The following CNTN3 variants were observed in gnomAD, a reference collection of about 807,000 sequenced individuals.
CNTN3 encodes the protein contactin-3.
Under a neutral mutation model 119.1 loss-of-function variants are expected in CNTN3, and 60 were observed. That is an observed-to-expected ratio of 0.50 (90% CI 0.41 to 0.62). CNTN3 has a LOEUF of 0.62. Ranked by LOEUF, CNTN3 falls within the 20% of genes least tolerant of loss-of-function variation. The pLI is 0.00. For synonymous variants in CNTN3, 450 were observed against 438.7 expected (o/e 1.03, Z -0.32); for missense variants, 1,101 against 1,242.4 (o/e 0.89, Z 1.71).
chr3:74,508,972 G>A (rs1305028927), intron 2 of CNTN3, among the ~76,000 whole-genome samples: 1 of 152,188 alleles, frequency 6.6e-6, no homozygotes. Flanking sequence ...CCAAGATACA[G>A]TAAAGACAAG....
intron 13 of CNTN3, among the ~76,000 whole-genome samples, chr3:74,329,687 A>G (rs1480501126): frequency 2.0e-5 from 3 of 152,202 alleles, no homozygotes; most frequent in Non-Finnish European, 2.9e-5. Context: ...GAACTTTGGA[A>G]TATTACCTCC....
chr3:74,361,621 G>A (rs1704074422), intron 11 of CNTN3, among the ~76,000 whole-genome samples: 1 of 152,270 alleles, frequency 6.6e-6, no homozygotes, highest in African/African-American at 2.4e-5. Context: ...TTCTGGTTGA[G>A]TCTTCCCAGC....
intron 3 of CNTN3, among the ~76,000 whole-genome samples, chr3:74,489,825 C>A (rs987735902): frequency 2.6e-5 from 4 of 152,128 alleles, no homozygotes; most frequent in African/African-American, 9.7e-5. Flanking sequence ...TGCCATCTAT[C>A]CCATAGGATT....
At chr3:74,319,148 A>G (rs1230375702) in intron 13 of CNTN3, among the ~76,000 whole-genome samples, 2 of 152,232 alleles carry the variant, frequency 1.3e-5, no homozygotes, top group Non-Finnish European at 2.9e-5. Flanking sequence ...CTTTCTTCAC[A>G]GAATTGGAAA....
intron 4 of CNTN3, among the ~76,000 whole-genome samples, chr3:74,474,173 A>G (rs1360871627): frequency 6.6e-6 from 1 of 152,134 alleles, no homozygotes; most frequent in African/African-American, 2.4e-5. Context: ...AGCAGTGGCC[A>G]GATTCTGGGT....
chr3:74,549,279 C>T (rs1349210168), intron 1 of CNTN3, among the ~76,000 whole-genome samples: 1 of 152,180 alleles, frequency 6.6e-6, no homozygotes, highest in African/African-American at 2.4e-5. Flanking sequence ...AATGTGCCAG[C>T]TTCCCCTTCG....
chr3:74,343,464 C>T (rs1303915558), intron 11 of CNTN3, among the ~76,000 whole-genome samples: 2 of 152,168 alleles, frequency 1.3e-5, no homozygotes, highest in Non-Finnish European at 2.9e-5. Flanking sequence ...AGACTAGAAG[C>T]CCTGGAATGG....
At chr3:74,360,880 G>A (rs1174737678) in intron 11 of CNTN3, among the ~76,000 whole-genome samples, 4 of 151,916 alleles carry the variant, frequency 2.6e-5, no homozygotes, top group Non-Finnish European at 2.9e-5. Flanking sequence ...CCTCTCTTAA[G>A]GGCTCAGATG....
chr3:74,574,977 A>T (rs1054093623), intron 1 of CNTN3, among the ~76,000 whole-genome samples: 2 of 150,536 alleles, frequency 1.3e-5, no homozygotes, highest in African/African-American at 4.9e-5. Context: ...AGGCTGGAGT[A>T]CAGTGGTACA....
chr3:74,378,406 T>C (rs1403460578), intron 5 of CNTN3, among the ~76,000 whole-genome samples: 2 of 152,234 alleles, frequency 1.3e-5, no homozygotes, highest in Non-Finnish European at 2.9e-5. Flanking sequence ...CTATTATATA[T>C]TGTATGTTTC....
intron 9 of CNTN3, 83 bp from the exon 10 acceptor site, chr3:74,364,679 C>A (rs1704149137): frequency 3.3e-6 from 4 of 1,204,324 alleles, no homozygotes; most frequent in Non-Finnish European, 4.7e-6. Context: ...TTCACTCACA[C>A]AGAAACTTTC....
At chr3:74,409,385 T>C (rs1440733222) in intron 5 of CNTN3, among the ~76,000 whole-genome samples, 1 of 152,200 alleles carries the variant, frequency 6.6e-6, no homozygotes, top group African/African-American at 2.4e-5. Flanking sequence ...TTTGTTTTCA[T>C]GATCAGCATA....
intron 10 of CNTN3, 53 bp downstream of exon 10, chr3:74,364,414 A>T: frequency 6.4e-7 from 1 of 1,553,386 alleles, no homozygotes. Flanking sequence ...TCTGGAAACA[A>T]TGAAGGATTT....
chr3:74,295,245 A>G lies in CNTN3; in HGVS notation c.2402-9T>C. The G allele has an allele frequency of 6.8e-7, 1 of 1,467,558 alleles. No homozygotes were observed. Among genetic ancestry groups the G allele is most frequent in the Non-Finnish European group, 9.5e-7 (1 of 1,056,918 alleles). 90.9% of individuals were successfully genotyped at this position (1,467,558 alleles called of 1,614,324 possible). A position where few individuals can be genotyped will look rare whatever the true frequency, so the allele number is the denominator to read the frequency against. Reference sequence around the variant, plus strand: ...TGGGGCCACTGTAGGCTCTGTTCGGAAACAGAAATTGAAATATGATGATAA... The same window carrying G: ...TGGGGCCACTGTAGGCTCTGTTCGGGAACAGAAATTGAAATATGATGATAA... On this transcript the variant is annotated splice_polypyrimidine_tract_variant and intron_variant, in intron 18 of 22. Transcript: ENST00000263665.
In CNTN3 at chr3:74,301,851, G is replaced by A. The variant is rs375870555; in HGVS notation, c.1787-46C>T. 235 of 1,587,442 alleles carry A rather than the reference G, an allele frequency of 1.5e-4. No individual in the cohort carries two copies. The Middle Eastern group carries it at 3.9e-3, about 26-fold the overall frequency. ...AACATTGAGTAGCAGTTCCATAAAT[G>A]TCATCCTCTCCTATCAAAGAGAAGA... On this transcript the variant is annotated intron_variant, in intron 14 of 22. Coordinates refer to ENST00000263665, the MANE Select transcript of CNTN3 (RefSeq NM_020872.3).
At chr3:74,322,147 T>C (rs918738662) in intron 13 of CNTN3, among the ~76,000 whole-genome samples, 44 of 142,516 alleles carry the variant, frequency 3.1e-4, no homozygotes, top group African/African-American at 1.2e-3. Flanking sequence ...GATTGTGACA[T>C]TGCACTCCAG....
At chr3:74,394,454 G>T (rs6778116) in intron 5 of CNTN3, among the ~76,000 whole-genome samples, 11 of 152,062 alleles carry the variant, frequency 7.2e-5, no homozygotes, top group Admixed American at 2.0e-4. Context: ...TATCATTCCA[G>T]TGACATCAAG....
At chr3:74,549,142 G>C (rs1194827820) in intron 1 of CNTN3, among the ~76,000 whole-genome samples, 1 of 152,160 alleles carries the variant, frequency 6.6e-6, no homozygotes, top group Admixed American at 6.5e-5. Context: ...GATCATGGGG[G>C]TGGTTTCCAA....
At chr3:74,325,257 T>C (rs1443426963) in intron 13 of CNTN3, among the ~76,000 whole-genome samples, 1 of 152,208 alleles carries the variant, frequency 6.6e-6, no homozygotes, top group Non-Finnish European at 1.5e-5. Flanking sequence ...CTAGGTTTTG[T>C]TGTGAATTTC....
Sources: allele counts gnomAD v4.1 joint callset (sites outside exome capture counted in the v4.1 genomes callset), GRCh38; gene constraint gnomAD v4.1.1; transcripts MANE v1.5; gene names NCBI Gene and HGNC (gene_info 2026-07-23, HGNC 2026-07-21).